Variants in POLR1A observed in about 807,000 individuals in gnomAD.
POLR1A encodes the protein RNA polymerase I subunit A.
In POLR1A, 84 loss-of-function variants were observed where a neutral mutation model predicts 205.3. That is an observed-to-expected ratio of 0.41 (90% confidence interval 0.34 to 0.49). The LOEUF (loss-of-function observed/expected upper bound fraction) is 0.49. POLR1A is among the 20% of genes least tolerant of loss of function. The pLI is 0.22. For missense variants in POLR1A, 1,645 were observed against 2,204.5 expected (o/e 0.75, Z 5.08); for synonymous variants, 799 against 863.7 (o/e 0.93, Z 1.31).
At chr2:86,043,221 C>G (rs758790696) in intron 22 of POLR1A, 26 bp from the exon 23 acceptor site, 20 of 1,562,022 alleles carry the variant, frequency 1.3e-5, no homozygotes, top group Non-Finnish European at 1.8e-5. Flanking sequence ...AAAAAACAAA[C>G]AAACAAATCA....
At chr2:86,033,825 C>A in intron 27 of POLR1A, 38 bp from the exon 28 acceptor site, 1 of 1,608,576 alleles carries the variant, frequency 6.2e-7, no homozygotes, top group Non-Finnish European at 8.5e-7. Context: ...CTGTGCAGTA[C>A]CAGCATGTCC....
At chr2:86,039,675 C>T (rs1672563662) in intron 25 of POLR1A, among the ~76,000 whole-genome samples, 1 of 152,204 alleles carries the variant, frequency 6.6e-6, no homozygotes, top group African/African-American at 2.4e-5. Flanking sequence ...AGGGCCCACT[C>T]CTTGTGCTCA....
intron 14 of POLR1A, among the ~76,000 whole-genome samples, chr2:86,064,377 T>C (rs1673050143): frequency 6.6e-6 from 1 of 152,210 alleles, no homozygotes; most frequent in African/African-American, 2.4e-5. Flanking sequence ...AGGCTGAACT[T>C]GGATACTCAG....
At chr2:86,044,345 C>A (rs746996941) in intron 21 of POLR1A, 41 bp from the exon 22 acceptor site, 3 of 1,610,890 alleles carry the variant, frequency 1.9e-6, no homozygotes, top group Admixed American at 1.7e-5. Flanking sequence ...CGGCCCATCA[C>A]CTCCCCAGGG....
chr2:86,075,039 C>T lies in POLR1A; in HGVS notation c.1602G>A (p.Gly534=), dbSNP rs765789716. Residue 534 remains glycine (G), a synonymous_variant, in exon 12 of 34, where the codon GGG becomes GGA. Coordinates refer to ENST00000263857, the MANE Select transcript of POLR1A (RefSeq NM_015425.6). ...AGCTGCCCTTACTCACAATTTTTGT[C>T]CCCTGGGGCTTAGGTGCCCCCGTGG... ...TPATGAPKPQ[G]TKIVCRHVKN... is the part of the protein sequence containing the mutation. 4 of 1,607,468 alleles carry T rather than the reference C, an allele frequency of 2.5e-6. No individual in the cohort carries two copies. The highest frequency in any genetic ancestry group is 8.5e-7 in the Non-Finnish European group (1 of 1,177,804).
In POLR1A at chr2:86,052,808, G is replaced by A. The variant is rs777690732; in HGVS notation, c.2392+9C>T. Reference sequence around the variant, plus strand: ...GTCACTGCCCCAGGGCAGCGAGCCCGGCACTTACCCAAGGTGAAGCCTCTG... The same window carrying A: ...GTCACTGCCCCAGGGCAGCGAGCCCAGCACTTACCCAAGGTGAAGCCTCTG... On this transcript the variant is annotated intron_variant, in intron 16 of 33. Coordinates refer to ENST00000263857, the MANE Select transcript of POLR1A (RefSeq NM_015425.6). The A allele has an allele frequency of 1.0e-5, 15 of 1,506,016 alleles. No individual in the cohort carries two copies. The highest frequency in any genetic ancestry group is 7.6e-5 in the East Asian group (3 of 39,292). The allele number at this position is 1,506,016 out of a possible 1,614,324, so 93.3% of individuals were successfully genotyped here. A position where few individuals can be genotyped will look rare whatever the true frequency, so the allele number is the denominator to read the frequency against.
chr2:86,041,172 T>C (rs1197936727), intron 24 of POLR1A, among the ~76,000 whole-genome samples: 1 of 98,094 alleles, frequency 1.0e-5, no homozygotes, highest in Admixed American at 9.1e-5. Flanking sequence ...TGTGTGTGTG[T>C]GTGTGTGTGT....
chr2:86,082,496 A>C (rs566914749), intron 7 of POLR1A, among the ~76,000 whole-genome samples: 3 of 151,762 alleles, frequency 2.0e-5, no homozygotes, highest in South Asian at 4.2e-4. Flanking sequence ...AAAAGATTAA[A>C]ATGTACTAGG....
intron 1 of POLR1A, among the ~76,000 whole-genome samples, chr2:86,102,305 T>C (rs1673835643): frequency 6.6e-6 from 1 of 152,228 alleles, no homozygotes; most frequent in Non-Finnish European, 1.5e-5. Flanking sequence ...CACTTACTAC[T>C]TTCTGTTTTT....
At chr2:86,040,992 G>A (rs1194739622) in intron 24 of POLR1A, among the ~76,000 whole-genome samples, 3 of 152,190 alleles carry the variant, frequency 2.0e-5, no homozygotes, top group Admixed American at 1.3e-4. Flanking sequence ...GGCCATTATG[G>A]GGATGGGGGT....
At chr2:86,053,326 C>T (rs1268667949) in intron 15 of POLR1A, among the ~76,000 whole-genome samples, 6 of 151,990 alleles carry the variant, frequency 3.9e-5, no homozygotes, top group Non-Finnish European at 5.9e-5. Context: ...CACCCACCCA[C>T]GCTGACTTGA....
At chr2:86,038,084 C>T (rs140964405) in intron 27 of POLR1A, among the ~76,000 whole-genome samples, 1 of 152,244 alleles carries the variant, frequency 6.6e-6, no homozygotes, top group African/African-American at 2.4e-5. Flanking sequence ...CATCCTCCTG[C>T]TCCCCGGAAC....
At chr2:86,055,480 T>C (rs1346991509) in intron 14 of POLR1A, among the ~76,000 whole-genome samples, 1 of 152,158 alleles carries the variant, frequency 6.6e-6, no homozygotes, top group Non-Finnish European at 1.5e-5. Flanking sequence ...CTCAACTCCA[T>C]AGAAGGCCAG....
At chr2:86,102,872 T>G (rs1416875971) in intron 1 of POLR1A, among the ~76,000 whole-genome samples, 3 of 152,192 alleles carry the variant, frequency 2.0e-5, no homozygotes, top group African/African-American at 7.2e-5. Context: ...TGGGCCTGAA[T>G]TTTTTACTGG....
In POLR1A at chr2:86,081,683, A is replaced by C. The variant is rs752720950; in HGVS notation, c.841T>G (p.Ser281Ala). Residue 281 changes from serine to alanine, a missense_variant, in exon 8 of 34, where the codon TCG becomes GCG. Physicochemically the swap from Ser to Ala is moderately conservative, Grantham distance 99 (BLOSUM62 1). Around this residue, in one of 16 missense-constraint regions of POLR1A, gnomAD observed 330 missense variants for 375.6 expected, o/e 0.88. Transcript: ENST00000263857. ...NEGFFLNYLF[S>A]GMDDDGMESR... Reference sequence around the variant, plus strand: ...TCCATACCATCATCATCCATTCCCGAAAAAAGGTAGTTCAGAAAGAATCCT... The same window carrying C: ...TCCATACCATCATCATCCATTCCCGCAAAAAGGTAGTTCAGAAAGAATCCT... The C allele has an allele frequency of 2.5e-6, 4 of 1,609,154 alleles. No individual in the cohort carries two copies. The highest frequency in any genetic ancestry group is 2.5e-6 in the Non-Finnish European group (3 of 1,176,698).
chr2:86,075,181 C>A lies in POLR1A; in HGVS notation c.1460G>T (p.Gly487Val). ...VQELRQAVIN[G>V]PNVHPGASMV... is the part of the protein sequence containing the mutation. ...GGAGGCTCCTGGGTGCACATTAGGG[C>A]CGTTGATGACCGCTTGCCTAAGTTC... The change falls in exon 12 of 34, where the codon GGC (glycine) becomes GTC (valine). Residue 487 changes from glycine to valine, a missense_variant. By Grantham distance (109) the Gly-to-Val change is moderately radical (BLOSUM62 -3). Around this residue, in one of 16 missense-constraint regions of POLR1A, gnomAD observed 131 missense variants for 214.5 expected, o/e 0.61. Coordinates refer to ENST00000263857, the MANE Select transcript of POLR1A (RefSeq NM_015425.6). 6.2e-7 allele frequency: 1 copy of A among 1,613,276 alleles called. No homozygotes were observed. Among genetic ancestry groups the A allele is most frequent in the Non-Finnish European group, 8.5e-7 (1 of 1,179,698 alleles).
rs1331433436 is a variant in POLR1A at position 86,026,964 on chromosome 2, C to T, written c.*459G>A. The T allele has an allele frequency of 5.5e-6, 1 of 180,744 alleles. No individual in the cohort carries two copies. The highest frequency in any genetic ancestry group is 2.3e-5 in the African/African-American group (1 of 42,632). The allele number at this position is 180,744 out of a possible 1,614,324, so 11.2% of individuals were successfully genotyped here. A position where few individuals can be genotyped will look rare whatever the true frequency, so the allele number is the denominator to read the frequency against. On this transcript the variant is annotated 3_prime_UTR_variant, in exon 34 of 34. Transcript: ENST00000263857. ...CTCCACGTTCCTGCTCATCGGGAGC[C>T]CCCAGGAATCTTGTCTGTTGTCCCT...
chr2:86,031,654 C>G lies in POLR1A; in HGVS notation c.4273-19G>C. On this transcript the variant is annotated intron_variant, in intron 29 of 33. Transcript: ENST00000263857. ...AATCAACCTGGCAGAAAAGGGAGCACAGGCTGTGTCACTTGGGGACCCACC... is the reference window on the plus strand; with the variant it reads ...AATCAACCTGGCAGAAAAGGGAGCAGAGGCTGTGTCACTTGGGGACCCACC... 6.3e-7 allele frequency: 1 copy of G among 1,594,828 alleles called. No homozygotes were observed. Among genetic ancestry groups the G allele is most frequent in the Non-Finnish European group, 8.6e-7 (1 of 1,169,238 alleles).
At chr2:86,101,432 G>A (rs1433963535) in intron 1 of POLR1A, among the ~76,000 whole-genome samples, 1 of 152,138 alleles carries the variant, frequency 6.6e-6, no homozygotes, top group East Asian at 1.9e-4. Context: ...CACTCTAAGG[G>A]CCAAGGCGAC....
Sources: gnomAD v4.1 joint callset for allele counts (sites outside exome capture counted in the v4.1 genomes callset) on GRCh38, gnomAD v4.1.1 for gene constraint, gnomAD v4.1.1 regional missense constraint, MANE v1.5 for transcripts, NCBI Gene and HGNC (gene_info 2026-07-23, HGNC 2026-07-21) for gene names.